The following VIPR2 variants were observed in gnomAD, a reference collection of about 807,000 sequenced individuals.
VIPR2 encodes vasoactive intestinal polypeptide receptor 2.
Under a neutral mutation model 58.0 loss-of-function variants are expected in VIPR2, and 48 were observed. The ratio of observed to expected loss-of-function variants is 0.83; its 90% CI spans 0.66 to 1.05. The LOEUF (loss-of-function observed/expected upper bound fraction) is 1.05, where lower values mean the gene tolerates loss of function less well. Ranked by LOEUF, VIPR2 falls within the 50% of genes least tolerant of loss-of-function variation. The pLI, the probability that VIPR2 is intolerant of heterozygous loss-of-function variation, is 0.00. For missense variants in VIPR2, 534 were observed against 558.0 expected (o/e 0.96, Z 0.43); for synonymous variants, 243 against 235.2 (o/e 1.03, Z -0.30).
intron 2 of VIPR2, among the ~76,000 whole-genome samples, chr7:159,139,521 G>A (rs891119666): frequency 6.6e-6 from 1 of 152,224 alleles, no homozygotes; most frequent in Admixed American, 6.5e-5. Flanking sequence ...AGTGGGGAAT[G>A]ACCTCAAACC....
intron 5 of VIPR2, among the ~76,000 whole-genome samples, chr7:159,053,449 G>A (rs1855123908): frequency 6.6e-6 from 1 of 152,158 alleles, no homozygotes; most frequent in South Asian, 2.1e-4. Context: ...ATGATCACAG[G>A]TTGGATGATT....
At chr7:159,032,100 T>G in intron 10 of VIPR2, 33 bp from the exon 11 acceptor site, 1 of 1,612,886 alleles carries the variant, frequency 6.2e-7, no homozygotes, top group Non-Finnish European at 8.5e-7. Context: ...GCTCAGCTGC[T>G]GGACCCTCGG....
At chr7:159,070,566 T>C (rs1856328283) in intron 4 of VIPR2, among the ~76,000 whole-genome samples, 1 of 152,108 alleles carries the variant, frequency 6.6e-6, no homozygotes, top group Non-Finnish European at 1.5e-5. Flanking sequence ...AGACAGCACG[T>C]CAGGCGTTGT....
At chr7:159,119,961 C>T (rs1393350054) in intron 2 of VIPR2, among the ~76,000 whole-genome samples, 1 of 151,698 alleles carries the variant, frequency 6.6e-6, no homozygotes, top group Non-Finnish European at 1.5e-5. Flanking sequence ...CCTTGATGCA[C>T]AAAGCCTGGT....
At chr7:159,130,842 T>C (rs753198818) in intron 2 of VIPR2, among the ~76,000 whole-genome samples, 1 of 152,218 alleles carries the variant, frequency 6.6e-6, no homozygotes, top group African/African-American at 2.4e-5. Flanking sequence ...TTACAGATCC[T>C]TTGAAAAGCT....
Position 159,030,556 on chromosome 7 carries a change from C to G in VIPR2, c.*60G>C. On this transcript the variant is annotated 3_prime_UTR_variant, in exon 13 of 13. Coordinates refer to ENST00000262178, the MANE Select transcript of VIPR2 (RefSeq NM_003382.5). ...ATCTGGAAGGAGGAAGCCGGCGTCT[C>G]AGCCCCGCAGAAGCCCCGAACCGTG... is the stretch of plus-strand genomic sequence containing the variant. The G allele has an allele frequency of 6.8e-7, 1 of 1,468,566 alleles. No homozygotes were observed. The highest frequency in any genetic ancestry group is 9.0e-7 in the Non-Finnish European group (1 of 1,106,264). The allele number at this position is 1,468,566 out of a possible 1,614,324, so 91.0% of individuals were successfully genotyped here. A position where few individuals can be genotyped will look rare whatever the true frequency, so the allele number is the denominator to read the frequency against.
In VIPR2 at chr7:159,093,238, C is replaced by G. The variant is rs1857603333; in HGVS notation, c.357+10519G>C. Among the ~76,000 whole-genome samples, 1 of 152,178 alleles carries G rather than the reference C, an allele frequency of 6.6e-6. No homozygotes were observed. Among genetic ancestry groups the G allele is most frequent in the South Asian group, 2.1e-4 (1 of 4,830 alleles). The stretch of plus-strand genomic sequence containing the variant: ...TTAAAAACACTGTAGACTTTGAGAA[C>G]TTTGTGTGCTCATTTACTTTTCCTT... On this transcript the variant is annotated intron_variant, in intron 4 of 12. Coordinates refer to ENST00000262178, the MANE Select transcript of VIPR2 (RefSeq NM_003382.5). This position sits in a 1 kb window ranked among gnomAD's most constrained non-coding sequence, Gnocchi z 6.7.
chr7:159,064,422 G>A (rs1359283843), intron 4 of VIPR2, among the ~76,000 whole-genome samples: 2 of 152,108 alleles, frequency 1.3e-5, no homozygotes, highest in African/African-American at 2.4e-5. Context: ...AGTGGAATTG[G>A]CGGCTCCTGA....
rs2129495528 is a variant in VIPR2 at position 159,095,809 on chromosome 7, CTTCT to C, written c.357+7944_357+7947del. Among the ~76,000 whole-genome samples the C allele has an allele frequency of 7.5e-6, 1 of 134,112 alleles. No homozygotes were observed. Among genetic ancestry groups the C allele is most frequent in the Admixed American group, 7.0e-5 (1 of 14,324 alleles). 88.0% of individuals were successfully genotyped at this position (134,112 alleles called of 152,430 possible). A position where few individuals can be genotyped will look rare whatever the true frequency, so the allele number is the denominator to read the frequency against. ...TAGGTGAATCCCTTCAAAACTCTTCCTTCTCTCTTTTTTTTTTAAGTCTTTAACA... is the reference window on the plus strand; with the variant it reads ...TAGGTGAATCCCTTCAAAACTCTTCCCTCTTTTTTTTTTAAGTCTTTAACA... On this transcript the variant is annotated intron_variant, in intron 4 of 12. Transcript: ENST00000262178. This position sits in a 1 kb window ranked among gnomAD's most constrained non-coding sequence, Gnocchi z 5.2.
chr7:159,118,965 C>T (rs898474062), intron 2 of VIPR2, among the ~76,000 whole-genome samples: 9 of 152,234 alleles, frequency 5.9e-5, no homozygotes, highest in Non-Finnish European at 1.2e-4. Context: ...GCTATAATTT[C>T]CTTCAGAGGA....
Position 159,109,809 on chromosome 7 carries a change from T to G in VIPR2, c.259+3A>C. 6.2e-7 allele frequency: 1 copy of G among 1,614,100 alleles called. No homozygotes were observed. The highest frequency in any genetic ancestry group is 8.5e-7 in the Non-Finnish European group (1 of 1,179,966). On this transcript the variant is annotated splice_donor_region_variant and intron_variant, in intron 3 of 12. Transcript: ENST00000262178. ...GCTCAGGAACTCAACCGACGGACAGTACCTGCTTTGCTGTAAAAATTGCTG... is the reference window on the plus strand; with the variant it reads ...GCTCAGGAACTCAACCGACGGACAGGACCTGCTTTGCTGTAAAAATTGCTG...
intron 4 of VIPR2, among the ~76,000 whole-genome samples, 178 bp from the exon 5 acceptor site, chr7:159,058,756 CAATTT>C (rs973843506): frequency 2.6e-5 from 4 of 152,196 alleles, no homozygotes; most frequent in African/African-American, 9.6e-5. Context: ...ATGACACCCA[CAATTT>C]GGAACCTCCA....
rs199663266 is a variant in VIPR2, at chr7:159,035,919, G to A, written c.809+33C>T. 1.7e-4 allele frequency: 280 copies of A among 1,603,894 alleles called. No homozygotes were observed. The East Asian group carries it at 2.9e-3, about 17-fold the overall frequency. On this transcript the variant is annotated intron_variant, in intron 8 of 12. Transcript: ENST00000262178. The stretch of plus-strand genomic sequence containing the variant: ...CATGTTGCCAGATGTTGCCGGGCCC[G>A]TTTTCGAGGTTGCAGTCTGGTCATG...
At chr7:159,062,030 CCG>C (rs1166010502) in intron 4 of VIPR2, among the ~76,000 whole-genome samples, 1 of 152,218 alleles carries the variant, frequency 6.6e-6, no homozygotes, top group African/African-American at 2.4e-5. Flanking sequence ...GAGCCCCATC[CCG>C]AGGGCCCTGC....
intron 4 of VIPR2, among the ~76,000 whole-genome samples, chr7:159,063,410 G>C (rs1201920808): frequency 3.9e-5 from 6 of 152,040 alleles, no homozygotes; most frequent in African/African-American, 1.4e-4. Context: ...CCCGGGGCCG[G>C]CAGCGCCGGC....
intron 2 of VIPR2, among the ~76,000 whole-genome samples, chr7:159,141,682 T>C (rs1355516114): frequency 6.6e-6 from 1 of 152,252 alleles, no homozygotes; most frequent in African/African-American, 2.4e-5. Flanking sequence ...TTTTTACTCA[T>C]TGTAATGTGG....
chr7:159,077,917 G>C (rs1399085182), intron 4 of VIPR2, among the ~76,000 whole-genome samples: 1 of 152,158 alleles, frequency 6.6e-6, no homozygotes, highest in Non-Finnish European at 1.5e-5. Context: ...TGTGACTTTC[G>C]AAATGAACAT....
At chr7:159,110,696 AAACAAACAAAC>A (rs756025271) in intron 2 of VIPR2, among the ~76,000 whole-genome samples, 1,892 of 118,950 alleles carry the variant, frequency 0.016, 27 homozygotes, top group African/African-American at 0.034. Context: ...TTGGTCGGTA[AAACAAACAAAC>A]AAACAAACAA....
chr7:159,031,771 G>A lies in VIPR2; in HGVS notation c.1143+57C>T. The A allele has an allele frequency of 6.2e-7, 1 of 1,612,772 alleles. No individual in the cohort carries two copies. Among genetic ancestry groups the A allele is most frequent in the Non-Finnish European group, 8.5e-7 (1 of 1,179,882 alleles). On this transcript the variant is annotated intron_variant, in intron 12 of 12. Transcript: ENST00000262178. This position sits in a 1 kb window ranked among gnomAD's most constrained non-coding sequence, Gnocchi z 4.0. Reference sequence around the variant, plus strand: ...GGGGGCTGCGGCACCAGGCTGGGCAGCATCTCAGGAAGCAAGTGAGTACCT... The same window carrying A: ...GGGGGCTGCGGCACCAGGCTGGGCAACATCTCAGGAAGCAAGTGAGTACCT...
Sources: gnomAD v4.1 joint callset for allele counts (sites outside exome capture counted in the v4.1 genomes callset) on GRCh38, gnomAD v4.1.1 for gene constraint, Gnocchi (gnomAD v3.1) non-coding constraint, MANE v1.5 for transcripts, NCBI Gene and HGNC (gene_info 2026-07-23, HGNC 2026-07-21) for gene names.